Variants in DMD observed in about 807,000 individuals in gnomAD.
DMD encodes mutant dystrophin.
A neutral mutation model predicts 330.1 loss-of-function variants in DMD; 63 were observed. The ratio of observed to expected loss-of-function variants is 0.19; its 90% confidence interval spans 0.16 to 0.24. The LOEUF is 0.24. DMD is among the 10% of genes least tolerant of loss of function. The pLI is 1.00. For missense variants in DMD, 3,344 were observed against 2,684.1 expected, an observed-to-expected ratio of 1.25 and a Z score of -5.43; for synonymous variants, 1,223 against 959.8, an observed-to-expected ratio of 1.27 and a Z score of -5.07.
At chrX:33,053,793 G>T (rs968759726) in intron 1 of DMD, among the ~76,000 whole-genome samples, 1 of 109,832 alleles carries the variant, frequency 9.1e-6, no homozygotes, top group Non-Finnish European at 1.9e-5. Flanking sequence ...AAGAATAACA[G>T]AAGCTAGAAT....
At chrX:32,296,795 G>A (rs1437264072) in intron 42 of DMD, among the ~76,000 whole-genome samples, 1 of 111,701 alleles carries the variant, frequency 9.0e-6, no homozygotes, top group Non-Finnish European at 1.9e-5. Flanking sequence ...AAGATAATAT[G>A]AAATTGTTGT....
chrX:31,997,533 T>C (rs2095596764), intron 44 of DMD, among the ~76,000 whole-genome samples: 1 of 110,423 alleles, frequency 9.1e-6, no homozygotes, highest in Admixed American at 9.7e-5. Flanking sequence ...TTAAGGATAC[T>C]TTCAGAGCCA....
At chrX:32,407,735 A>T (rs1384972579) in intron 30 of DMD, among the ~76,000 whole-genome samples, 1 of 110,237 alleles carries the variant, frequency 9.1e-6, no homozygotes, top group Admixed American at 9.7e-5. Flanking sequence ...AATGTCTCAC[A>T]ATGATACAAT....
chrX:33,268,666 C>T (rs1339131000), intron 1 of DMD, among the ~76,000 whole-genome samples: 1 of 111,643 alleles, frequency 9.0e-6, no homozygotes, highest in Admixed American at 9.5e-5. Flanking sequence ...GTGGCTTGCG[C>T]CTGTAATCCC....
chrX:33,268,096 T>G (rs2053079880), intron 1 of DMD, among the ~76,000 whole-genome samples: 2 of 108,533 alleles, frequency 1.8e-5, no homozygotes, highest in Non-Finnish European at 3.8e-5. Context: ...GTCAAACAGT[T>G]CTCCTGCCTC....
chrX:32,061,086 T>A (rs1412097653), intron 44 of DMD, among the ~76,000 whole-genome samples: 1 of 111,416 alleles, frequency 9.0e-6, no homozygotes, highest in Non-Finnish European at 1.9e-5. Context: ...CTCTACATTT[T>A]TTTTCTGAAA....
At chrX:32,749,984 T>C (rs914644373) in intron 7 of DMD, among the ~76,000 whole-genome samples, 1 of 112,473 alleles carries the variant, frequency 8.9e-6, no homozygotes, top group African/African-American at 3.2e-5. Flanking sequence ...CTGATCTTTT[T>C]TGAAATGTGA....
At chrX:32,878,151 G>A (rs5972701) in intron 2 of DMD, among the ~76,000 whole-genome samples, 1 of 111,390 alleles carries the variant, frequency 9.0e-6, no homozygotes, top group African/African-American at 3.3e-5. Flanking sequence ...CGAGGAGGGC[G>A]GATCACGAGG....
intron 9 of DMD, among the ~76,000 whole-genome samples, chrX:32,662,725 T>C (rs1240556641): frequency 1.8e-5 from 2 of 111,868 alleles, no homozygotes; most frequent in Non-Finnish European, 3.8e-5. Flanking sequence ...AGCTCATTAG[T>C]ACCTCAACAA....
At chrX:31,164,766 T>A (rs1370206556) in intron 74 of DMD, among the ~76,000 whole-genome samples, 2 of 111,343 alleles carry the variant, frequency 1.8e-5, no homozygotes, top group Non-Finnish European at 1.9e-5. Context: ...GCCTGACTCC[T>A]GGATCACACC....
At chrX:32,065,075 T>C (rs771553515) in intron 44 of DMD, among the ~76,000 whole-genome samples, 1 of 111,403 alleles carries the variant, frequency 9.0e-6, no homozygotes, top group East Asian at 2.8e-4. Context: ...AATTCTTTCA[T>C]AGTCTGATTC....
intron 76 of DMD, among the ~76,000 whole-genome samples, chrX:31,139,100 T>C (rs1213717126): frequency 1.8e-5 from 2 of 111,977 alleles, no homozygotes; most frequent in African/African-American, 6.5e-5. Flanking sequence ...ACTTAGTTGA[T>C]GGCAATGCTT....
At chrX:32,334,607 C>G (rs746306858) in intron 41 of DMD, among the ~76,000 whole-genome samples, 50 of 111,595 alleles carry the variant, frequency 4.5e-4, no homozygotes, top group Admixed American at 8.6e-4. Flanking sequence ...TTGTACATCT[C>G]TGCTTAAATT....
intron 44 of DMD, among the ~76,000 whole-genome samples, chrX:32,197,651 A>G (rs1450770208): frequency 8.9e-6 from 1 of 111,991 alleles, no homozygotes; most frequent in Non-Finnish European, 1.9e-5. Flanking sequence ...TCATGGTTTC[A>G]TATGAAAAGT....
At chrX:32,291,926 G>A (rs767275189) in intron 42 of DMD, among the ~76,000 whole-genome samples, 6 of 111,805 alleles carry the variant, frequency 5.4e-5, no homozygotes, top group African/African-American at 9.7e-5. Flanking sequence ...AATGGCAAGC[G>A]TACCTTGGAG....
chrX:32,729,373 T>C (rs781672031), intron 7 of DMD, among the ~76,000 whole-genome samples: 1 of 112,176 alleles, frequency 8.9e-6, no homozygotes, highest in South Asian at 3.7e-4. Flanking sequence ...ATATTTAGTC[T>C]TGAGGCACAA....
In DMD at chrX:33,110,922, T is replaced by TA. The variant is rs747560039; in HGVS notation, c.32-90723dup. ...TGATGTTCATTAAAATTAATAATTT[T>TA]AAAAAACATTTTAATTAAAATATTT... On this transcript the variant is annotated intron_variant, in intron 1 of 78. Coordinates refer to ENST00000357033, the MANE Select transcript of DMD (RefSeq NM_004006.3). Among the ~76,000 whole-genome samples, 252 of 111,073 alleles carry TA rather than the reference T, an allele frequency of 2.3e-3. 1 individual carries two copies. The highest frequency in any genetic ancestry group is 8.0e-3 in the African/African-American group (245 of 30,748).
At chrX:32,837,970 T>A (rs2079804943) in intron 4 of DMD, among the ~76,000 whole-genome samples, 1 of 112,165 alleles carries the variant, frequency 8.9e-6, no homozygotes, top group Non-Finnish European at 1.9e-5. Flanking sequence ...AATGCTCATA[T>A]TTTATAGAAG....
At chrX:32,454,591 G>A in intron 26 of DMD, 71 bp downstream of exon 26, 1 of 890,548 alleles carries the variant, frequency 1.1e-6, no homozygotes, top group Non-Finnish European at 1.6e-6. Context: ...ACAACTTCAA[G>A]CATTGTTGCA....
Sources: allele counts gnomAD v4.1 joint callset (sites outside exome capture counted in the v4.1 genomes callset), GRCh38; gene constraint gnomAD v4.1.1; transcripts MANE v1.5; gene names NCBI Gene and HGNC (gene_info 2026-07-23, HGNC 2026-07-21).